LOXHD1: variants seen among roughly 807,000 people sequenced by gnomAD.
The protein encoded by LOXHD1 is lipoxygenase homology domain-containing protein 1.
In LOXHD1, 205 loss-of-function variants were observed where a neutral mutation model predicts 248.2. The observed-to-expected ratio is 0.83, with a 90% CI of 0.74 to 0.93. The LOEUF (loss-of-function observed/expected upper bound fraction) is 0.93. Ranked by LOEUF, LOXHD1 falls within the 40% of genes least tolerant of loss-of-function variation. The pLI, the probability that LOXHD1 is intolerant of heterozygous loss-of-function variation, is 0.00. For missense variants in LOXHD1, 2,930 were observed against 2,971.6 expected (o/e 0.99, Z 0.33); for synonymous variants, 1,113 against 1,162.8 (o/e 0.96, Z 0.87).
At chr18:46,507,092 T>G (rs1349626) in intron 36 of LOXHD1, among the ~76,000 whole-genome samples, 70,323 of 152,054 alleles carry the variant, frequency 0.46, 18,232 homozygotes, top group East Asian at 0.68. Flanking sequence ...CTGTGGTTGC[T>G]CCAATGAAGG....
At chr18:46,619,258 G>A (rs2038634491) in intron 4 of LOXHD1, among the ~76,000 whole-genome samples, 1 of 152,108 alleles carries the variant, frequency 6.6e-6, no homozygotes, top group Non-Finnish European at 1.5e-5. Context: ...TGTGAAACTG[G>A]TAAAAACTAG....
rs1450932226 is a variant in LOXHD1, at chr18:46,524,698, C to G, written c.4740+10G>C. 6.4e-7 allele frequency: 1 copy of G among 1,551,624 alleles called. No homozygotes were observed. Among genetic ancestry groups the G allele is most frequent in the East Asian group, 2.4e-5 (1 of 40,936 alleles). ...GGATGGCCACAGGCCCTATATACCC[C>G]TTGGCTCACCTTCTCGTAAAAGAGC... On this transcript the variant is annotated intron_variant, in intron 30 of 40. Coordinates refer to ENST00000642948, the MANE Select transcript of LOXHD1 (RefSeq NM_001384474.1).
chr18:46,636,681 C>G (rs931711219), intron 4 of LOXHD1, among the ~76,000 whole-genome samples: 1 of 152,198 alleles, frequency 6.6e-6, no homozygotes, highest in African/African-American at 2.4e-5. Context: ...CCCCTTTACT[C>G]TCTCCTGTTA....
intron 27 of LOXHD1, chr18:46,533,882 G>A (rs1048808954): frequency 5.7e-6 from 1 of 175,804 alleles, no homozygotes; most frequent in African/African-American, 2.4e-5. Context: ...CTCCAGCCTG[G>A]GTGATGGAGC....
At chr18:46,491,057 G>C (rs2033437654) in intron 37 of LOXHD1, among the ~76,000 whole-genome samples, 1 of 152,218 alleles carries the variant, frequency 6.6e-6, no homozygotes. Flanking sequence ...GAAGAGACAG[G>C]TAAAGAGGAA....
rs888875630 is a variant in LOXHD1 at position 46,522,327 on chromosome 18, G to A, written c.4877-18C>T. The stretch of plus-strand genomic sequence containing the variant: ...GGGAATAACTGCAAGAGATCACGGG[G>A]CTCAGGTTCATAACAGACCAGATAG... On this transcript the variant is annotated intron_variant, in intron 31 of 40. Transcript: ENST00000642948. 2 of 1,548,268 alleles carry A rather than the reference G, an allele frequency of 1.3e-6. No homozygotes were observed. Among genetic ancestry groups the A allele is most frequent in the Non-Finnish European group, 1.7e-6 (2 of 1,144,064 alleles).
chr18:46,501,383 T>C (rs1292249418), intron 37 of LOXHD1, among the ~76,000 whole-genome samples: 1 of 152,226 alleles, frequency 6.6e-6, no homozygotes, highest in African/African-American at 2.4e-5. Flanking sequence ...TTTGTGCTAT[T>C]TGTTAGTGAG....
At chr18:46,603,867 C>T (rs1222850461) in intron 7 of LOXHD1, among the ~76,000 whole-genome samples, 1 of 152,234 alleles carries the variant, frequency 6.6e-6, no homozygotes, top group Non-Finnish European at 1.5e-5. Context: ...CCTATGGATA[C>T]CTTCCTTTGC....
intron 2 of LOXHD1, among the ~76,000 whole-genome samples, chr18:46,643,499 G>A (rs2038989346): frequency 6.6e-6 from 1 of 152,178 alleles, no homozygotes; most frequent in African/African-American, 2.4e-5. Flanking sequence ...ACCAGACCAA[G>A]CACTTAAAGG....
chr18:46,639,868 T>C (rs1260779918), intron 3 of LOXHD1, 68 bp from the exon 4 acceptor site: 2 of 1,516,370 alleles, frequency 1.3e-6, no homozygotes, highest in Non-Finnish European at 1.8e-6. Context: ...CATACTGGAA[T>C]ACCCAGATGT....
intron 6 of LOXHD1, among the ~76,000 whole-genome samples, chr18:46,607,299 A>G (rs2038429894): frequency 6.6e-6 from 1 of 151,054 alleles, no homozygotes; most frequent in Admixed American, 6.6e-5. Flanking sequence ...CCATATATAT[A>G]TGGTGTCATA....
chr18:46,651,679 T>C (rs1661536785), intron 1 of LOXHD1, among the ~76,000 whole-genome samples: 1 of 151,700 alleles, frequency 6.6e-6, no homozygotes, highest in Non-Finnish European at 1.5e-5. Context: ...TGGACTTCAT[T>C]AAAATTGAGA....
chr18:46,510,839 C>T (rs1041614566), intron 34 of LOXHD1, among the ~76,000 whole-genome samples: 2 of 152,118 alleles, frequency 1.3e-5, no homozygotes, highest in African/African-American at 4.8e-5. Flanking sequence ...CAAAGTCAGC[C>T]CCATATCCCT....
intron 12 of LOXHD1, among the ~76,000 whole-genome samples, chr18:46,583,287 T>C (rs1200335440): frequency 4.6e-5 from 7 of 152,098 alleles, no homozygotes; most frequent in African/African-American, 1.4e-4. Context: ...TTCAAAAGCA[T>C]AGGCAGAAAA....
intron 37 of LOXHD1, among the ~76,000 whole-genome samples, chr18:46,497,275 A>G (rs1195976292): frequency 2.0e-5 from 3 of 152,226 alleles, no homozygotes; most frequent in Non-Finnish European, 4.4e-5. Context: ...AGAGGCTGGC[A>G]TCTGAACAAC....
chr18:46,604,278 T>C, intron 6 of LOXHD1, 49 bp from the exon 7 acceptor site: 1 of 1,548,186 alleles, frequency 6.5e-7, no homozygotes, highest in South Asian at 1.2e-5. Context: ...TTGTTGAGGG[T>C]GCACCTGGAG....
intron 19 of LOXHD1, 35 bp downstream of exon 19, chr18:46,560,048 T>TGCCAGCCCCCC: frequency 8.2e-7 from 1 of 1,226,298 alleles, no homozygotes; most frequent in Non-Finnish European, 1.1e-6. Flanking sequence ...GTCTGGCCAC[T>TGCCAGCCCCCC]CCCTCCCCAC....
chr18:46,491,801 T>C (rs2143667776), intron 37 of LOXHD1, among the ~76,000 whole-genome samples: 1 of 152,320 alleles, frequency 6.6e-6, no homozygotes, highest in Admixed American at 6.5e-5. Flanking sequence ...TTTATCCACA[T>C]ATAATTCATT....
At chr18:46,632,687 T>C (rs1225584940) in intron 4 of LOXHD1, among the ~76,000 whole-genome samples, 1 of 151,984 alleles carries the variant, frequency 6.6e-6, no homozygotes, top group African/African-American at 2.4e-5. Flanking sequence ...TCTGGAGCAA[T>C]TTGATAGCCA....
Sources: allele counts gnomAD v4.1 joint callset (sites outside exome capture counted in the v4.1 genomes callset), GRCh38; gene constraint gnomAD v4.1.1; transcripts MANE v1.5; gene names NCBI Gene and HGNC (gene_info 2026-07-23, HGNC 2026-07-21).